FMN1: variants seen among roughly 807,000 people sequenced by gnomAD.
FMN1 encodes the protein formin 1.
Under a neutral mutation model 132.4 loss-of-function variants are expected in FMN1, and 110 were observed. The ratio of observed to expected loss-of-function variants is 0.83; its 90% CI spans 0.71 to 0.97. The LOEUF (loss-of-function observed/expected upper bound fraction) is 0.97. Among genes scored for constraint, FMN1 ranks in the 50% least tolerant of loss-of-function variants. The pLI is 0.00. For missense variants in FMN1, 1,792 were observed against 1,705.3 expected (o/e 1.05, Z -0.90); for synonymous variants, 722 against 651.7 (o/e 1.11, Z -1.64).
chr15:32,858,293 A>G (rs956650838), intron 16 of FMN1, among the ~76,000 whole-genome samples: 3 of 152,252 alleles, frequency 2.0e-5, no homozygotes, highest in African/African-American at 7.2e-5. Flanking sequence ...AAAATGCAAA[A>G]GACACCACTT....
intron 9 of FMN1, among the ~76,000 whole-genome samples, chr15:32,928,132 T>C (rs539982824): frequency 6.6e-6 from 1 of 152,308 alleles, no homozygotes; most frequent in African/African-American, 2.4e-5. Context: ...TACTTTCATA[T>C]AACGATTAGA....
intron 3 of FMN1, among the ~76,000 whole-genome samples, chr15:33,167,551 C>T (rs569788768): frequency 3.2e-4 from 48 of 152,280 alleles, no homozygotes; most frequent in African/African-American, 1.0e-3. Context: ...TTACAGTTGA[C>T]CTTTGACCAA....
chr15:33,140,935 C>T (rs1465708042), intron 4 of FMN1, among the ~76,000 whole-genome samples: 4 of 152,210 alleles, frequency 2.6e-5, no homozygotes. Flanking sequence ...TTCTTATATA[C>T]TGAATTCATC....
At chr15:33,068,070 CGAT>C in intron 5 of FMN1, 1 of 1,405,634 alleles carries the variant, frequency 7.1e-7, no homozygotes, top group Non-Finnish European at 9.3e-7. Context: ...CCGGTTTGTG[CGAT>C]GATGTGTTCC....
chr15:32,899,167 T>C (rs2141583903), intron 14 of FMN1, among the ~76,000 whole-genome samples: 1 of 152,310 alleles, frequency 6.6e-6, no homozygotes, highest in East Asian at 1.9e-4. Context: ...AAAAGTTGTG[T>C]CCTTGTATTT....
chr15:32,859,443 T>C lies in FMN1; in HGVS notation c.3836-2336A>G, dbSNP rs576823866. 5.5e-4 allele frequency among the ~76,000 whole-genome samples: 84 copies of C among 152,342 alleles called. No homozygotes were observed. In the South Asian group the frequency reaches 7.5e-3, roughly 14 times the overall value. On this transcript the variant is annotated intron_variant, in intron 16 of 20. Coordinates refer to ENST00000616417, the MANE Select transcript of FMN1 (RefSeq NM_001277313.2). ...TATTCGGCATTCCCAGTTCCATGTC[T>C]TCATTCATGTGGTTCTCTGCTCTGC...
intron 5 of FMN1, among the ~76,000 whole-genome samples, chr15:33,066,183 T>C (rs12917561): frequency 0.078 from 11,819 of 152,288 alleles, 592 homozygotes; most frequent in Middle Eastern, 0.13. Context: ...ACCTGGGCTA[T>C]ACTGCCATCT....
intron 19 of FMN1, among the ~76,000 whole-genome samples, chr15:32,795,720 AAG>A (rs1020612132): frequency 2.6e-5 from 4 of 152,140 alleles, no homozygotes; most frequent in African/African-American, 9.7e-5. Context: ...GCTTCACTGA[AAG>A]ATGAGTCCTG....
rs869166176 is a variant in FMN1 at position 33,147,165 on chromosome 15, C to CA, written c.1867+5882dup. On this transcript the variant is annotated intron_variant, in intron 4 of 20. Coordinates refer to ENST00000616417, the MANE Select transcript of FMN1 (RefSeq NM_001277313.2). ...GGGAAACAAGAGCGAGACTCCGTCT[C>CA]AAAAAAAAAAAAAAAAAGAAATAAA... Among the ~76,000 whole-genome samples, 505 of 68,890 alleles carry CA rather than the reference C, an allele frequency of 7.3e-3. 2 individuals carry two copies. Among genetic ancestry groups the CA allele is most frequent in the Middle Eastern group, 0.049 (5 of 102 alleles). 45.2% of individuals were successfully genotyped at this position (68,890 alleles called of 152,430 possible).
Position 32,968,836 on chromosome 15 carries a change from AGGTGGG to A in FMN1, c.2859_2864del (p.Pro956_Pro957del). 1 of 897,888 alleles carries A rather than the reference AGGTGGG, an allele frequency of 1.1e-6. No individual in the cohort carries two copies. The allele number at this position is 897,888 out of a possible 1,614,324, so 55.6% of individuals were successfully genotyped here. On this transcript the variant is annotated inframe_deletion, in exon 8 of 21. Transcript: ENST00000616417. ...CAAGTCCAAAGAAGAGTCCAGGGGGAGGTGGGGGTGCAAGTCCTGGGGGTGGTGGAG... is the reference window on the plus strand; with the variant it reads ...CAAGTCCAAAGAAGAGTCCAGGGGGAGGTGCAAGTCCTGGGGGTGGTGGAG...
intron 7 of FMN1, among the ~76,000 whole-genome samples, chr15:32,976,697 G>T (rs2032231911): frequency 6.6e-6 from 1 of 152,060 alleles, no homozygotes; most frequent in Non-Finnish European, 1.5e-5. Flanking sequence ...TTGCTGGGAG[G>T]GATAAAGAAA....
intron 6 of FMN1, among the ~76,000 whole-genome samples, chr15:33,017,138 T>TAAAA (rs112219032): frequency 6.8e-5 from 10 of 147,040 alleles, no homozygotes; most frequent in Non-Finnish European, 1.2e-4. Context: ...AAGCATAATT[T>TAAAA]AAAAAAAAAA....
At chr15:32,984,578 A>C (rs2032932323) in intron 7 of FMN1, among the ~76,000 whole-genome samples, 1 of 152,174 alleles carries the variant, frequency 6.6e-6, no homozygotes, top group Admixed American at 6.6e-5. Context: ...ACAATGAAGG[A>C]TTAATATCAT....
chr15:33,184,880 AAAGAC>A (rs984701594), intron 2 of FMN1, among the ~76,000 whole-genome samples: 64 of 152,340 alleles, frequency 4.2e-4, no homozygotes, highest in African/African-American at 1.5e-3. Context: ...ACAAAGCGGA[AAAGAC>A]TGTATTCTTT....
chr15:32,796,302 A>G (rs945284583), intron 19 of FMN1, among the ~76,000 whole-genome samples: 1 of 152,222 alleles, frequency 6.6e-6, no homozygotes, highest in Non-Finnish European at 1.5e-5. Flanking sequence ...TGAAAATGCT[A>G]GTACTGATTC....
At chr15:32,859,864 T>C (rs942238527) in intron 16 of FMN1, among the ~76,000 whole-genome samples, 1 of 151,982 alleles carries the variant, frequency 6.6e-6, no homozygotes, top group African/African-American at 2.4e-5. Context: ...AGTGAGACCT[T>C]GTCTCTCAAA....
At chr15:33,089,683 A>C (rs781161202) in intron 4 of FMN1, among the ~76,000 whole-genome samples, 10 of 152,236 alleles carry the variant, frequency 6.6e-5, no homozygotes, top group Non-Finnish European at 1.3e-4. Context: ...AAACTGAAGT[A>C]CAAAGAAGTT....
At chr15:32,813,144 T>C (rs867749548) in intron 17 of FMN1, among the ~76,000 whole-genome samples, 1 of 152,152 alleles carries the variant, frequency 6.6e-6, no homozygotes, top group Non-Finnish European at 1.5e-5. Context: ...AGAATGGGTG[T>C]AGGTTATAGC....
At chr15:33,074,969 C>T (rs1317554666) in intron 5 of FMN1, among the ~76,000 whole-genome samples, 6 of 131,698 alleles carry the variant, frequency 4.6e-5, no homozygotes, top group Non-Finnish European at 7.7e-5. Context: ...TGCAGTGAGC[C>T]GAGATGGCAC....
Sources: gnomAD v4.1 joint callset for allele counts (sites outside exome capture counted in the v4.1 genomes callset) on GRCh38, gnomAD v4.1.1 for gene constraint, MANE v1.5 for transcripts, NCBI Gene and HGNC (gene_info 2026-07-23, HGNC 2026-07-21) for gene names.